The following SND1 variants were observed in gnomAD, a reference collection of about 807,000 sequenced individuals.
The protein encoded by SND1 is staphylococcal nuclease domain-containing protein 1.
Under a neutral mutation model 121.7 loss-of-function variants are expected in SND1, and 38 were observed. The ratio of observed to expected loss-of-function variants is 0.31; its 90% CI spans 0.24 to 0.41. The LOEUF (loss-of-function observed/expected upper bound fraction) is 0.41. Ranked by LOEUF, SND1 falls within the 10% of genes least tolerant of loss-of-function variation. The probability of loss-of-function intolerance (pLI) is 1.00; values close to 1 mark genes in which losing one functional copy is unlikely to be tolerated. For synonymous variants in SND1, 401 were observed against 447.4 expected (o/e 0.90, Z 1.31); for missense variants, 868 against 1,184.6 (o/e 0.73, Z 3.92).
At chr7:128,037,067 GACT>G (rs1387467791) in intron 16 of SND1, among the ~76,000 whole-genome samples, 2 of 152,312 alleles carry the variant, frequency 1.3e-5, no homozygotes, top group African/African-American at 4.8e-5. Flanking sequence ...TCACAGAACT[GACT>G]ACTAATGAGT....
At position 127,807,517 on chromosome 7, in the gene SND1, A is replaced by G. The variant is rs1170756445; in HGVS notation, c.1186A>G (p.Ile396Val). 7 of 1,614,132 alleles carry G rather than the reference A, an allele frequency of 4.3e-6. No homozygotes were observed. In the Admixed American group the frequency reaches 5.0e-5, roughly 12 times the overall value. The change falls in exon 11 of 24, where the codon ATT becomes GTT. Residue 396 changes from isoleucine (I) to valine (V), a missense_variant. Ile to Val is a conservative substitution (Grantham distance 29). This residue lies in a region of SND1 where 743 missense variants were observed against 1,071.3 expected (regional missense o/e 0.69). Transcript: ENST00000354725. ...CAAGAAACTGCGTCCCCTGTATGAC[A>G]TTCCTTACATGTTTGAGGCCCGGGA... The part of the protein sequence containing the change: ...KNKKLRPLYD[I>V]PYMFEAREFL...
intron 14 of SND1, among the ~76,000 whole-genome samples, chr7:127,921,485 T>A (rs1226919599): frequency 6.6e-6 from 1 of 152,190 alleles, no homozygotes; most frequent in African/African-American, 2.4e-5. Context: ...ACTTACAGAT[T>A]AGTTAGGGGA....
intron 16 of SND1, chr7:128,030,414 T>A: frequency 1.2e-6 from 2 of 1,613,870 alleles, no homozygotes; most frequent in Non-Finnish European, 1.7e-6. Context: ...GTACCGGGTG[T>A]TCGAGGGAAT....
chr7:128,005,734 A>G (rs549537318), intron 16 of SND1, among the ~76,000 whole-genome samples: 1 of 152,312 alleles, frequency 6.6e-6, no homozygotes, highest in Non-Finnish European at 1.5e-5. Context: ...AGGAGACTGC[A>G]GGTACTGAAC....
chr7:127,812,915 AT>A, intron 11 of SND1, among the ~76,000 whole-genome samples: 1 of 152,184 alleles, frequency 6.6e-6, no homozygotes, highest in East Asian at 1.9e-4. Flanking sequence ...TTTTATAAAC[AT>A]TTCTTTTGTC....
chr7:128,020,398 C>T (rs904821293), intron 16 of SND1, among the ~76,000 whole-genome samples: 2 of 152,186 alleles, frequency 1.3e-5, no homozygotes, highest in Admixed American at 6.5e-5. Context: ...GCCCTGCCGG[C>T]GCTCAGCAAT....
chr7:127,685,080 G>A (rs936399059), intron 1 of SND1, among the ~76,000 whole-genome samples: 2 of 152,126 alleles, frequency 1.3e-5, no homozygotes, highest in East Asian at 3.9e-4. Flanking sequence ...GGATTCCAAG[G>A]TTCTGGCAAT....
intron 1 of SND1, among the ~76,000 whole-genome samples, chr7:127,655,626 GA>G (rs1795197284): frequency 6.6e-6 from 1 of 152,104 alleles, no homozygotes; most frequent in African/African-American, 2.4e-5. Flanking sequence ...TTATTTTCTC[GA>G]AACCCTGAAG....
chr7:127,815,499 AAGGAGG>A (rs1055052070), intron 11 of SND1, among the ~76,000 whole-genome samples: 2 of 151,900 alleles, frequency 1.3e-5, no homozygotes, highest in Non-Finnish European at 2.9e-5. Flanking sequence ...CTAGAAGAAG[AAGGAGG>A]AGGAGGAGGG....
At chr7:127,991,725 A>T (rs911734182) in intron 16 of SND1, among the ~76,000 whole-genome samples, 11 of 152,130 alleles carry the variant, frequency 7.2e-5, no homozygotes, top group Non-Finnish European at 1.5e-4. Flanking sequence ...TTTTACAGTC[A>T]TCTATAGGGT....
intron 16 of SND1, chr7:128,031,386 G>A (rs1057252175): frequency 6.6e-6 from 1 of 151,848 alleles, no homozygotes; most frequent in African/African-American, 2.4e-5. Context: ...TGGATGCTGC[G>A]CTCCCTCTCC....
At chr7:128,035,611 G>A (rs879550681) in intron 16 of SND1, among the ~76,000 whole-genome samples, 3 of 152,218 alleles carry the variant, frequency 2.0e-5, no homozygotes, top group Admixed American at 1.3e-4. Flanking sequence ...GTTCCTCTAA[G>A]TAACAATGTA....
At chr7:128,075,140 G>A (rs184765806) in intron 17 of SND1, among the ~76,000 whole-genome samples, 15 of 152,358 alleles carry the variant, frequency 9.8e-5, no homozygotes, top group African/African-American at 3.6e-4. Context: ...GCCTCTAGCT[G>A]TTAGGACAAG....
chr7:127,737,433 G>C (rs1275624648), intron 10 of SND1, among the ~76,000 whole-genome samples: 1 of 152,182 alleles, frequency 6.6e-6, no homozygotes, highest in Non-Finnish European at 1.5e-5. Flanking sequence ...AAATTAGCTG[G>C]GTGTGGTGGC....
At chr7:127,914,319 TTTC>T (rs1448007954) in intron 14 of SND1, among the ~76,000 whole-genome samples, 1 of 152,172 alleles carries the variant, frequency 6.6e-6, no homozygotes, top group African/African-American at 2.4e-5. Context: ...TTGAATCACA[TTTC>T]TTCTTTTTGC....
At position 128,033,297 on chromosome 7, in the gene SND1, T is replaced by C. The variant is rs115895130; in HGVS notation, c.1780-41205T>C. ...CCCCCCTGAAAAAAGACTGCCCCTT[T>C]CTCTGCCGACTGTGGGTGAGGCAAT... is the stretch of plus-strand genomic sequence containing the variant. On this transcript the variant is annotated intron_variant, in intron 16 of 23. Coordinates refer to ENST00000354725, the MANE Select transcript of SND1 (RefSeq NM_014390.4). Among the ~76,000 whole-genome samples the C allele has an allele frequency of 6.4e-3, 972 of 152,292 alleles. 10 individuals are homozygous for C. The highest frequency in any genetic ancestry group is 0.037 in the South Asian group (178 of 4,828).
chr7:127,788,680 G>A (rs1563013735), intron 10 of SND1, among the ~76,000 whole-genome samples: 2 of 152,194 alleles, frequency 1.3e-5, no homozygotes, highest in Non-Finnish European at 2.9e-5. Context: ...CGCTTTGAAT[G>A]TTTTAAGTCT....
chr7:127,918,261 T>C (rs1584665590), intron 14 of SND1, among the ~76,000 whole-genome samples: 1 of 151,890 alleles, frequency 6.6e-6, no homozygotes, highest in South Asian at 2.1e-4. Flanking sequence ...AGAAGGGCTT[T>C]CACCGTGTTG....
At chr7:127,987,628 T>C (rs932757816) in intron 15 of SND1, among the ~76,000 whole-genome samples, 2 of 152,210 alleles carry the variant, frequency 1.3e-5, no homozygotes, top group African/African-American at 4.8e-5. Context: ...TTTTTAACTC[T>C]GCAAGAAAGC....
Sources: gnomAD v4.1 joint callset for allele counts (sites outside exome capture counted in the v4.1 genomes callset) on GRCh38, gnomAD v4.1.1 for gene constraint, gnomAD v4.1.1 regional missense constraint, MANE v1.5 for transcripts, NCBI Gene and HGNC (gene_info 2026-07-23, HGNC 2026-07-21) for gene names.